KAZN: variants seen among roughly 807,000 people sequenced by gnomAD.
KAZN encodes the protein kazrin.
Under a neutral mutation model 87.4 loss-of-function variants are expected in KAZN, and 40 were observed. That is an observed-to-expected ratio of 0.46 (90% CI 0.36 to 0.60). The LOEUF (loss-of-function observed/expected upper bound fraction) is 0.60, where lower values mean the gene tolerates loss of function less well. Ranked by LOEUF, KAZN falls within the 20% of genes least tolerant of loss-of-function variation. The pLI, the probability that KAZN is intolerant of heterozygous loss-of-function variation, is 0.00. For missense variants in KAZN, 898 were observed against 1,073.9 expected (o/e 0.84, Z 2.29); for synonymous variants, 466 against 458.3 (o/e 1.02, Z -0.22).
chr1:14,129,533 G>C lies in KAZN; in HGVS notation c.92-50902G>C, dbSNP rs1043791808. 2.0e-5 allele frequency among the ~76,000 whole-genome samples: 3 copies of C among 152,322 alleles called. No homozygotes were observed. In the East Asian group the frequency reaches 5.8e-4, roughly 29 times the overall value. On this transcript the variant is annotated intron_variant, in intron 1 of 16. Coordinates refer to the KAZN transcript ENST00000636203. ...TTCCAGTGGGAGAATTGGCAAGAGG[G>C]ATGGGCTCCTGGTTGGCTGCCCATC...
In KAZN at chr1:14,769,538, G is replaced by C. The variant is rs1644969489; in HGVS notation, c.226+170315G>C. 6.6e-6 allele frequency among the ~76,000 whole-genome samples: 1 copy of C among 152,050 alleles called. No homozygotes were observed. ...CCCGGCTAATTTTGTATTTTTAGTA[G>C]AGACAGGGTTTCACCATGTTGGCCA... On this transcript the variant is annotated intron_variant, in intron 1 of 14. Transcript: ENST00000376030. This position sits in a 1 kb window ranked among gnomAD's most constrained non-coding sequence, Gnocchi z 4.1.
intron 2 of KAZN, among the ~76,000 whole-genome samples, chr1:14,206,269 A>G (rs946519380): frequency 1.3e-5 from 2 of 151,824 alleles, no homozygotes; most frequent in African/African-American, 4.8e-5. Context: ...TTCTTTTCTG[A>G]TTTTTTAAAA....
At chr1:14,343,011 G>C (rs937446202) in intron 2 of KAZN, among the ~76,000 whole-genome samples, 2 of 152,066 alleles carry the variant, frequency 1.3e-5, no homozygotes, top group Non-Finnish European at 1.5e-5. Context: ...CGTGGTGGCA[G>C]GCGCCTGTAA....
intron 13 of KAZN, among the ~76,000 whole-genome samples, chr1:15,109,560 TACTC>T (rs1354806982): frequency 1.3e-5 from 2 of 152,236 alleles, no homozygotes; most frequent in East Asian, 3.8e-4. Context: ...TTTCTATTGT[TACTC>T]AGAGCTTAAT....
At chr1:15,100,357 C>G (rs982905324) in intron 10 of KAZN, among the ~76,000 whole-genome samples, 3 of 152,194 alleles carry the variant, frequency 2.0e-5, no homozygotes, top group African/African-American at 7.2e-5. Flanking sequence ...CAAGCTGTCT[C>G]TGGCTGCTGC....
chr1:14,073,831 G>A (rs190442607), intron 1 of KAZN, among the ~76,000 whole-genome samples: 397 of 152,196 alleles, frequency 2.6e-3, no homozygotes, highest in Non-Finnish European at 3.9e-3. Flanking sequence ...CCAAGTCTTC[G>A]TTATTGTGAA....
intron 2 of KAZN, among the ~76,000 whole-genome samples, chr1:14,448,067 G>C (rs1162583733): frequency 6.6e-6 from 1 of 152,216 alleles, no homozygotes; most frequent in Non-Finnish European, 1.5e-5. Flanking sequence ...AGGACAAACT[G>C]TGGTTAAGAT....
intron 1 of KAZN, among the ~76,000 whole-genome samples, chr1:14,653,937 C>T (rs1005727434): frequency 5.3e-5 from 8 of 152,182 alleles, no homozygotes; most frequent in Non-Finnish European, 8.8e-5. Context: ...CCCTGGCCTC[C>T]GCCTACCAGA....
intron 1 of KAZN, among the ~76,000 whole-genome samples, chr1:13,901,683 C>T (rs144658797): frequency 6.6e-6 from 1 of 152,352 alleles, no homozygotes; most frequent in Non-Finnish European, 1.5e-5. Context: ...GCTTCCCATG[C>T]CAGCTTAAAA....
At chr1:14,178,845 A>G (rs1646137501) in intron 1 of KAZN, among the ~76,000 whole-genome samples, 1 of 152,176 alleles carries the variant, frequency 6.6e-6, no homozygotes, top group Admixed American at 6.5e-5. Context: ...TTACTTGCAG[A>G]TCAGTTCACC....
At chr1:14,684,580 G>C (rs1269310929) in intron 1 of KAZN, among the ~76,000 whole-genome samples, 1 of 152,206 alleles carries the variant, frequency 6.6e-6, no homozygotes, top group Non-Finnish European at 1.5e-5. Context: ...AGTGTTGGCA[G>C]AGCTGGTTCC....
chr1:14,589,821 G>T (rs1490932074), intron 2 of KAZN, among the ~76,000 whole-genome samples: 1 of 152,108 alleles, frequency 6.6e-6, no homozygotes, highest in Non-Finnish European at 1.5e-5. Flanking sequence ...GGGGGAGAAA[G>T]TACTTTTCGT....
At chr1:14,846,602 G>A (rs1374048098) in intron 1 of KAZN, among the ~76,000 whole-genome samples, 1 of 152,124 alleles carries the variant, frequency 6.6e-6, no homozygotes, top group East Asian at 1.9e-4. Context: ...TTAATAATCA[G>A]GCCTGCCATG....
At chr1:13,932,008 ATTT>A (rs35231877) in intron 1 of KAZN, among the ~76,000 whole-genome samples, 159 of 122,864 alleles carry the variant, frequency 1.3e-3, no homozygotes, top group Middle Eastern at 4.2e-3. Context: ...GGCTTGGCTA[ATTT>A]TTTTTTTTTT....
At chr1:14,875,365 A>G (rs566307789) in intron 1 of KAZN, among the ~76,000 whole-genome samples, 11 of 476 alleles carry the variant, frequency 0.023, no homozygotes, top group Non-Finnish European at 0.031. Context: ...ATTGTAAGAC[A>G]TTTTATGTAA....
chr1:14,732,670 AT>A (rs982665757), intron 1 of KAZN, among the ~76,000 whole-genome samples: 1 of 151,824 alleles, frequency 6.6e-6, no homozygotes, highest in East Asian at 1.9e-4. Flanking sequence ...AATGAAACTT[AT>A]TTTTTTTCTT....
chr1:13,915,519 C>T (rs1639817713), intron 1 of KAZN, among the ~76,000 whole-genome samples: 1 of 152,184 alleles, frequency 6.6e-6, no homozygotes, highest in Admixed American at 6.5e-5. Context: ...AAGAGGAGTC[C>T]TGCCCTCTCC....
chr1:14,499,732 CTG>C (rs1316982342), intron 2 of KAZN, among the ~76,000 whole-genome samples: 1 of 152,192 alleles, frequency 6.6e-6, no homozygotes, highest in Non-Finnish European at 1.5e-5. Flanking sequence ...CTAAAAATGA[CTG>C]ATGGCCACAG....
At chr1:15,078,391 C>CTTT (rs1639852923) in intron 8 of KAZN, among the ~76,000 whole-genome samples, 2 of 151,962 alleles carry the variant, frequency 1.3e-5, no homozygotes, top group East Asian at 3.9e-4. Context: ...GGCAACACAG[C>CTTT]GAGACTCCAT....
Sources: gnomAD v4.1 joint callset for allele counts (sites outside exome capture counted in the v4.1 genomes callset) on GRCh38, gnomAD v4.1.1 for gene constraint, Gnocchi (gnomAD v3.1) non-coding constraint, MANE v1.5 for transcripts, NCBI Gene and HGNC (gene_info 2026-07-23, HGNC 2026-07-21) for gene names.